The following AEBP2 variants were observed in gnomAD, a reference collection of about 807,000 sequenced individuals.
AEBP2 encodes the protein zinc finger protein AEBP2.
In AEBP2, 10 loss-of-function variants were observed where a neutral mutation model predicts 50.8. The observed-to-expected ratio is 0.20, with a 90% CI of 0.12 to 0.33. The LOEUF (loss-of-function observed/expected upper bound fraction) is 0.33, where lower values mean the gene tolerates loss of function less well. Ranked by LOEUF, AEBP2 falls within the 10% of genes least tolerant of loss-of-function variation. AEBP2 has a pLI of 1.00. For synonymous variants in AEBP2, 296 were observed against 261.3 expected, an observed-to-expected ratio of 1.13 and a Z score of -1.28; for missense variants, 570 against 688.0, an observed-to-expected ratio of 0.83 and a Z score of 1.92.
At chr12:19,441,231 G>A (rs1216673911) in intron 1 of AEBP2, among the ~76,000 whole-genome samples, 6 of 152,134 alleles carry the variant, frequency 3.9e-5, no homozygotes, top group Admixed American at 3.9e-4. Context: ...TCTTACTAAA[G>A]CTTGTTAGAA....
chr12:19,512,379 C>A lies in AEBP2; in HGVS notation c.1300-19C>A. 6.7e-7 allele frequency: 1 copy of A among 1,488,620 alleles called. No homozygotes were observed. 92.2% of individuals were successfully genotyped at this position (1,488,620 alleles called of 1,614,324 possible). ...GTTTTACACATTGTTTTTATGATTT[C>A]TTTTCATGTCATTATCAGGTAATAG... On this transcript the variant is annotated intron_variant, in intron 5 of 7. Transcript: ENST00000266508.
intron 1 of AEBP2, chr12:19,440,714 C>T (rs530283100): frequency 4.8e-5 from 74 of 1,533,512 alleles, no homozygotes; most frequent in Non-Finnish European, 5.9e-5. Context: ...GATGTACACA[C>T]GTCGGTACTC....
chr12:19,418,074 T>C (rs2095743587), intron 1 of AEBP2, among the ~76,000 whole-genome samples: 1 of 152,122 alleles, frequency 6.6e-6, no homozygotes, highest in South Asian at 2.1e-4. Flanking sequence ...ATGGAGAGTC[T>C]AGCTTCTTTT....
At chr12:19,408,597 A>G (rs756604109) in intron 1 of AEBP2, among the ~76,000 whole-genome samples, 20 of 151,826 alleles carry the variant, frequency 1.3e-4, no homozygotes, top group Non-Finnish European at 2.6e-4. Context: ...AATGTGAATG[A>G]ATCGCCTATT....
Position 19,518,919 on chromosome 12 carries a change from T to G in AEBP2, c.*802T>G, listed in dbSNP as rs571795581. 5.2e-4 allele frequency: 184 copies of G among 353,666 alleles called. 1 individual carries two copies. The highest frequency in any genetic ancestry group is 3.5e-3 in the African/African-American group (167 of 47,538). 21.9% of individuals were successfully genotyped at this position (353,666 alleles called of 1,614,324 possible). A position where few individuals can be genotyped will look rare whatever the true frequency, so the allele number is the denominator to read the frequency against. ...TTTCAAATTATTTGAATAATCTTCA[T>G]ATTTTCATTTAACCTATATGACTCT... is the stretch of plus-strand genomic sequence containing the variant. On this transcript the variant is annotated 3_prime_UTR_variant, in exon 8 of 8. Transcript: ENST00000266508.
chr12:19,460,677 C>T (rs1286616219), intron 1 of AEBP2, among the ~76,000 whole-genome samples: 2 of 136,746 alleles, frequency 1.5e-5, no homozygotes, highest in African/African-American at 2.8e-5. Flanking sequence ...TTTTTTGAGA[C>T]AGAGTCTAGC....
At chr12:19,456,436 C>T (rs780471226) in intron 1 of AEBP2, 4 of 1,410,456 alleles carry the variant, frequency 2.8e-6, no homozygotes, top group Non-Finnish European at 2.0e-6. Flanking sequence ...TCAACGTTGG[C>T]AGCATCACCA....
At chr12:19,440,765 G>C in intron 1 of AEBP2, 2 of 1,533,328 alleles carry the variant, frequency 1.3e-6, no homozygotes, top group Non-Finnish European at 8.7e-7. Flanking sequence ...ACACTTGTCA[G>C]AACTACAATT....
chr12:19,409,277 A>T (rs1472602091), intron 1 of AEBP2, among the ~76,000 whole-genome samples: 1 of 152,090 alleles, frequency 6.6e-6, no homozygotes, highest in East Asian at 1.9e-4. Flanking sequence ...TTCGCATTAT[A>T]TTAGGCATAA....
At chr12:19,430,801 T>C (rs1468019171) in intron 1 of AEBP2, among the ~76,000 whole-genome samples, 1 of 152,166 alleles carries the variant, frequency 6.6e-6, no homozygotes, top group East Asian at 1.9e-4. Context: ...TGTATAAGAA[T>C]GCTTGTGATT....
At chr12:19,495,730 G>T (rs950486461) in intron 4 of AEBP2, among the ~76,000 whole-genome samples, 1 of 151,772 alleles carries the variant, frequency 6.6e-6, no homozygotes, top group Admixed American at 6.6e-5. Flanking sequence ...GGAAGAGATG[G>T]TGGGGGTCTC....
intron 1 of AEBP2, among the ~76,000 whole-genome samples, chr12:19,418,298 C>T (rs1278020749): frequency 1.3e-5 from 2 of 151,766 alleles, no homozygotes; most frequent in Admixed American, 6.6e-5. Context: ...AATTATGGCT[C>T]ACTGCAGCCT....
At chr12:19,445,741 A>G (rs1365525757) in intron 1 of AEBP2, among the ~76,000 whole-genome samples, 1 of 152,212 alleles carries the variant, frequency 6.6e-6, no homozygotes, top group Non-Finnish European at 1.5e-5. Context: ...TTGCAAAAGG[A>G]TATGGTAGAC....
At chr12:19,415,212 G>A (rs887711951) in intron 1 of AEBP2, among the ~76,000 whole-genome samples, 1 of 148,428 alleles carries the variant, frequency 6.7e-6, no homozygotes, top group Non-Finnish European at 1.5e-5. Flanking sequence ...TACTTGGGGG[G>A]CTGACGTGGG....
At chr12:19,487,258 T>C (rs1163088595) in intron 3 of AEBP2, among the ~76,000 whole-genome samples, 5 of 152,206 alleles carry the variant, frequency 3.3e-5, no homozygotes, top group Admixed American at 6.5e-5. Context: ...TATTGTGTTA[T>C]GGTGAAAAGG....
At chr12:19,491,482 G>T (rs1190473198) in intron 3 of AEBP2, among the ~76,000 whole-genome samples, 1 of 152,054 alleles carries the variant, frequency 6.6e-6, no homozygotes, top group African/African-American at 2.4e-5. Context: ...TTTTAGTGTA[G>T]TATCTATATC....
At chr12:19,517,980 A>G (rs1949344776) in intron 7 of AEBP2, 107 bp from the exon 8 acceptor site, 8 of 1,007,870 alleles carry the variant, frequency 7.9e-6, no homozygotes, top group Non-Finnish European at 1.1e-5. Context: ...ATTATAATCT[A>G]TGATCATCAC....
chr12:19,521,679 A>C lies in AEBP2; in HGVS notation c.*3562A>C, dbSNP rs1949400844. 6.6e-6 allele frequency: 1 copy of C among 152,142 alleles called. No individual in the cohort carries two copies. The highest frequency in any genetic ancestry group is 2.4e-5 in the African/African-American group (1 of 41,468). 9.4% of individuals were successfully genotyped at this position (152,142 alleles called of 1,614,324 possible). A position where few individuals can be genotyped will look rare whatever the true frequency, so the allele number is the denominator to read the frequency against. Reference sequence around the variant, plus strand: ...CTAATTGAAAACAGTATGTCAGTAAATCTTTGGCCTTAGTGCTTTTTTCCC... The same window carrying C: ...CTAATTGAAAACAGTATGTCAGTAACTCTTTGGCCTTAGTGCTTTTTTCCC... On this transcript the variant is annotated 3_prime_UTR_variant, in exon 8 of 8. Transcript: ENST00000266508.
At chr12:19,513,479 T>A (rs892929253) in intron 6 of AEBP2, among the ~76,000 whole-genome samples, 1 of 152,184 alleles carries the variant, frequency 6.6e-6, no homozygotes, top group Non-Finnish European at 1.5e-5. Context: ...GGCCAATGGC[T>A]GGGCGCAGTG....
Sources: gnomAD v4.1 joint callset for allele counts (sites outside exome capture counted in the v4.1 genomes callset) on GRCh38, gnomAD v4.1.1 for gene constraint, MANE v1.5 for transcripts, NCBI Gene and HGNC (gene_info 2026-07-23, HGNC 2026-07-21) for gene names.